MDGA2: variants seen among roughly 807,000 people sequenced by gnomAD.
MDGA2 encodes MAM domain-containing glycosylphosphatidylinositol anchor protein 2.
Under a neutral mutation model 117.8 loss-of-function variants are expected in MDGA2, and 40 were observed. The observed-to-expected ratio is 0.34, with a 90% CI of 0.26 to 0.44. The LOEUF (loss-of-function observed/expected upper bound fraction) is 0.44, where lower values mean the gene tolerates loss of function less well. MDGA2 is among the 20% of genes least tolerant of loss of function. MDGA2 has a pLI of 1.00. For synonymous variants in MDGA2, 452 were observed against 439.0 expected, an observed-to-expected ratio of 1.03 and a Z score of -0.37; for missense variants, 1,123 against 1,250.6, an observed-to-expected ratio of 0.90 and a Z score of 1.54.
chr14:47,593,052 C>T (rs1476512057), intron 1 of MDGA2, among the ~76,000 whole-genome samples: 1 of 151,462 alleles, frequency 6.6e-6, no homozygotes, highest in East Asian at 1.9e-4. Context: ...AAAAAAAAAT[C>T]CATTAATAGT....
At chr14:47,523,833 C>G (rs1894919852) in intron 1 of MDGA2, among the ~76,000 whole-genome samples, 5 of 152,174 alleles carry the variant, frequency 3.3e-5, no homozygotes, top group Admixed American at 3.3e-4. Context: ...TAGTTTGTCA[C>G]TGAAACGAAA....
At chr14:47,363,829 T>C (rs1479848465) in intron 1 of MDGA2, among the ~76,000 whole-genome samples, 2 of 151,996 alleles carry the variant, frequency 1.3e-5, no homozygotes, top group South Asian at 2.1e-4. Flanking sequence ...AAAGCCAAAA[T>C]AGATGAGTGC....
In MDGA2 at chr14:46,841,627, ATTTTTTT is replaced by A; in HGVS notation, c.*297_*303del. 7.7e-6 allele frequency: 1 copy of A among 129,630 alleles called. No individual in the cohort carries two copies. Among genetic ancestry groups the A allele is most frequent in the Non-Finnish European group, 1.6e-5 (1 of 63,624 alleles). The allele number at this position is 129,630 out of a possible 1,614,324, so 8.0% of individuals were successfully genotyped here. A position where few individuals can be genotyped will look rare whatever the true frequency, so the allele number is the denominator to read the frequency against. The stretch of plus-strand genomic sequence containing the variant: ...TAGCTCTTTTTTTTTTCTTTTTTTC[ATTTTTTT>A]TTTTTTTTCCAGAGTTCAACCAGAT... On this transcript the variant is annotated 3_prime_UTR_variant, in exon 17 of 17. Transcript: ENST00000399232.
rs150803517 is a variant in MDGA2, at chr14:46,991,153, A to G, written c.1820-33510T>C. 4.6e-5 allele frequency among the ~76,000 whole-genome samples: 7 copies of G among 152,162 alleles called. No homozygotes were observed. In the East Asian group the frequency reaches 1.4e-3, roughly 29 times the overall value. ...AATGTACTTCCTTTTCTGTCCTTTC[A>G]TATTTCTATTTAAAGTTCTGTGGAA... On this transcript the variant is annotated intron_variant, in intron 8 of 16. Transcript: ENST00000399232.
intron 6 of MDGA2, among the ~76,000 whole-genome samples, chr14:47,074,126 C>G (rs989698194): frequency 1.1e-4 from 13 of 122,668 alleles, no homozygotes; most frequent in African/African-American, 4.3e-4. Flanking sequence ...TTTAATTAAT[C>G]ATTAATTAAA....
At chr14:47,032,749 C>T (rs972926963) in intron 8 of MDGA2, among the ~76,000 whole-genome samples, 1 of 152,130 alleles carries the variant, frequency 6.6e-6, no homozygotes, top group Admixed American at 6.6e-5. Context: ...TTGATGTACT[C>T]AGGAATATTC....
intron 2 of MDGA2, among the ~76,000 whole-genome samples, chr14:47,261,872 C>T (rs146271789): frequency 6.6e-6 from 1 of 152,088 alleles, no homozygotes; most frequent in Non-Finnish European, 1.5e-5. Flanking sequence ...TATAGTCTTG[C>T]AGATAATTTT....
intron 1 of MDGA2, among the ~76,000 whole-genome samples, chr14:47,418,498 T>C (rs1238957553): frequency 6.6e-6 from 1 of 152,182 alleles, no homozygotes; most frequent in Non-Finnish European, 1.5e-5. Context: ...TCTTACTATG[T>C]CCTCACTTAG....
chr14:47,567,221 A>G (rs1895936797), intron 1 of MDGA2, among the ~76,000 whole-genome samples: 1 of 152,136 alleles, frequency 6.6e-6, no homozygotes, highest in Admixed American at 6.5e-5. Context: ...TTATTTTAAA[A>G]TATTTTAGAA....
At chr14:47,073,277 T>C (rs1346710667) in intron 6 of MDGA2, among the ~76,000 whole-genome samples, 1 of 152,048 alleles carries the variant, frequency 6.6e-6, no homozygotes, top group Non-Finnish European at 1.5e-5. Context: ...TCTGGGAGAG[T>C]CAATATAGAA....
At chr14:47,301,847 C>T (rs569146201) in intron 1 of MDGA2, among the ~76,000 whole-genome samples, 1 of 152,192 alleles carries the variant, frequency 6.6e-6, no homozygotes, top group African/African-American at 2.4e-5. Context: ...GTGAGAAGGT[C>T]CCTTCCTTTC....
At chr14:47,070,055 T>C (rs1890223240) in intron 6 of MDGA2, among the ~76,000 whole-genome samples, 1 of 152,152 alleles carries the variant, frequency 6.6e-6, no homozygotes, top group African/African-American at 2.4e-5. Flanking sequence ...CAAGCATTTA[T>C]CCTTTGTGTT....
At chr14:47,636,216 A>C (rs1369496023) in intron 1 of MDGA2, among the ~76,000 whole-genome samples, 1 of 152,178 alleles carries the variant, frequency 6.6e-6, no homozygotes, top group African/African-American at 2.4e-5. Flanking sequence ...TAAAACACAT[A>C]TATCTTCATA....
At chr14:47,470,517 G>A (rs1238058778) in intron 1 of MDGA2, among the ~76,000 whole-genome samples, 1 of 152,078 alleles carries the variant, frequency 6.6e-6, no homozygotes, top group Non-Finnish European at 1.5e-5. Flanking sequence ...GTCTATCATT[G>A]ATGGACATTT....
chr14:46,971,198 A>G (rs1886249272), intron 8 of MDGA2, among the ~76,000 whole-genome samples: 1 of 152,112 alleles, frequency 6.6e-6, no homozygotes, highest in South Asian at 2.1e-4. Context: ...ACAATCTACC[A>G]ATTCCACTGG....
intron 1 of MDGA2, among the ~76,000 whole-genome samples, chr14:47,645,107 T>A (rs1343163600): frequency 1.3e-5 from 2 of 152,174 alleles, no homozygotes; most frequent in East Asian, 3.9e-4. Context: ...GATTTCTGAC[T>A]TCTAGAACTT....
intron 3 of MDGA2, among the ~76,000 whole-genome samples, chr14:47,206,794 T>TGA (rs1217034442): frequency 6.6e-6 from 1 of 151,692 alleles, no homozygotes; most frequent in African/African-American, 2.4e-5. Flanking sequence ...GAGGCTGAGG[T>TGA]GAGAGGATCA....
chr14:47,273,259 T>C (rs1323931088), intron 2 of MDGA2, among the ~76,000 whole-genome samples: 3 of 152,144 alleles, frequency 2.0e-5, no homozygotes, highest in Non-Finnish European at 2.9e-5. Context: ...ATCTTCAAAA[T>C]TCGTGTCAAA....
intron 1 of MDGA2, among the ~76,000 whole-genome samples, chr14:47,569,122 ACT>A (rs1242247644): frequency 1.3e-5 from 2 of 152,040 alleles, no homozygotes; most frequent in Non-Finnish European, 1.5e-5. Flanking sequence ...TCAAAATAAC[ACT>A]CTCTGTCAGC....
Sources: allele counts gnomAD v4.1 joint callset (sites outside exome capture counted in the v4.1 genomes callset), GRCh38; gene constraint gnomAD v4.1.1; transcripts MANE v1.5; gene names NCBI Gene and HGNC (gene_info 2026-07-23, HGNC 2026-07-21).